The following ATRX variants were observed in gnomAD, a reference collection of about 807,000 sequenced individuals.
ATRX encodes the protein chromatin remodeler ATRX.
Under a neutral mutation model 172.6 loss-of-function variants are expected in ATRX, and 12 were observed. That is an observed-to-expected ratio of 0.07 (90% CI 0.04 to 0.11). The LOEUF is 0.11. Among genes scored for constraint, ATRX ranks in the 10% least tolerant of loss-of-function variants. The pLI is 1.00. For synonymous variants in ATRX, 674 were observed against 594.7 expected, an observed-to-expected ratio of 1.13 and a Z score of -1.94; for missense variants, 1,368 against 1,767.4, an observed-to-expected ratio of 0.77 and a Z score of 4.05.
At chrX:77,591,543 A>C (rs1237291583) in intron 26 of ATRX, among the ~76,000 whole-genome samples, 2 of 111,962 alleles carry the variant, frequency 1.8e-5, no homozygotes, top group East Asian at 5.6e-4. Flanking sequence ...AAACAATTGA[A>C]GCTATGAAAC....
intron 7 of ATRX, 130 bp from the exon 8 acceptor site, chrX:77,685,136 T>C (rs2071480552): frequency 1.2e-5 from 6 of 521,125 alleles, no homozygotes; most frequent in African/African-American, 2.4e-5. Flanking sequence ...TGGGCAAAGA[T>C]TTATTGAGCA....
At chrX:77,633,080 C>T (rs975894035) in intron 19 of ATRX, 127 bp downstream of exon 19, 119 of 718,138 alleles carry the variant, frequency 1.7e-4, no homozygotes, top group Middle Eastern at 9.6e-4. Flanking sequence ...TTCTAAAAGG[C>T]AAAAACCTGA....
At chrX:77,724,701 G>A (rs925637478) in intron 1 of ATRX, among the ~76,000 whole-genome samples, 18 of 111,630 alleles carry the variant, frequency 1.6e-4, no homozygotes, top group African/African-American at 4.9e-4. Context: ...CTTCTAAACT[G>A]GTTACAAAAT....
chrX:77,528,179 G>A (rs781830976), intron 30 of ATRX, among the ~76,000 whole-genome samples: 1 of 110,259 alleles, frequency 9.1e-6, no homozygotes, highest in South Asian at 4.0e-4. Context: ...CAGCTGCCTT[G>A]CCAGATTGTA....
chrX:77,614,364 G>A (rs1375415738), intron 22 of ATRX, among the ~76,000 whole-genome samples: 1 of 111,238 alleles, frequency 9.0e-6, no homozygotes, highest in African/African-American at 3.3e-5. Flanking sequence ...CTACTCTATG[G>A]GTAATATTGC....
At chrX:77,654,732 A>G (rs1480929375) in intron 13 of ATRX, among the ~76,000 whole-genome samples, 2 of 111,799 alleles carry the variant, frequency 1.8e-5, no homozygotes, top group East Asian at 5.6e-4. Context: ...TGCAGCTGCT[A>G]TGGAAACATT....
chrX:77,736,810 G>A (rs1477533342), intron 1 of ATRX, among the ~76,000 whole-genome samples: 1 of 111,879 alleles, frequency 8.9e-6, no homozygotes, highest in Non-Finnish European at 1.9e-5. Flanking sequence ...AGGTTTGGAT[G>A]CAACCTAAGT....
chrX:77,577,773 G>A (rs2065674688), intron 27 of ATRX, among the ~76,000 whole-genome samples: 1 of 111,676 alleles, frequency 9.0e-6, no homozygotes, highest in Non-Finnish European at 1.9e-5. Flanking sequence ...GGGCAGTACT[G>A]GGGAAGGAGG....
At chrX:77,778,421 A>G (rs1377354508) in intron 1 of ATRX, among the ~76,000 whole-genome samples, 3 of 107,805 alleles carry the variant, frequency 2.8e-5, no homozygotes, top group Non-Finnish European at 5.8e-5. Context: ...TCTCTTAAAA[A>G]AAAAAAAAAA....
chrX:77,723,553 C>T (rs2073882002), intron 1 of ATRX, among the ~76,000 whole-genome samples: 1 of 111,011 alleles, frequency 9.0e-6, no homozygotes, highest in African/African-American at 3.3e-5. Context: ...AATAAAGGTA[C>T]CAAGTGGGTA....
intron 2 of ATRX, among the ~76,000 whole-genome samples, chrX:77,712,914 G>T: frequency 9.0e-6 from 1 of 111,478 alleles, no homozygotes; most frequent in Non-Finnish European, 1.9e-5. Flanking sequence ...ACTTTGGGAG[G>T]TCGAGGCAGG....
At chrX:77,743,692 A>G (rs2074964503) in intron 1 of ATRX, among the ~76,000 whole-genome samples, 1 of 111,538 alleles carries the variant, frequency 9.0e-6, no homozygotes, top group African/African-American at 3.3e-5. Context: ...GTATCTCAAC[A>G]AAACTACTAC....
At position 77,584,219 on chromosome X, in the gene ATRX, G is replaced by T. The variant is rs190851346; in HGVS notation, c.6217+5615C>A. ...TCCAGGTTCAGGGATTGGAATAATC[G>T]ATATTATTAAAATGTCCATACTACC... On this transcript the variant is annotated intron_variant, in intron 27 of 34. Coordinates refer to ENST00000373344, the MANE Select transcript of ATRX (RefSeq NM_000489.6). 7.4e-3 allele frequency among the ~76,000 whole-genome samples: 819 copies of T among 110,898 alleles called. 12 individuals are homozygous for T. The highest frequency in any genetic ancestry group is 0.026 in the African/African-American group (783 of 30,571).
intron 25 of ATRX, chrX:77,595,356 C>T (rs2066434025): frequency 9.0e-6 from 1 of 111,539 alleles, no homozygotes; most frequent in Non-Finnish European, 1.9e-5. Context: ...ACCAGGTCTC[C>T]AGGGAATCAC....
chrX:77,657,016 G>C (rs1308217402), intron 12 of ATRX, among the ~76,000 whole-genome samples: 1 of 111,701 alleles, frequency 9.0e-6, no homozygotes, highest in Non-Finnish European at 1.9e-5. Flanking sequence ...GGCTGGCCAA[G>C]ATGGAGTAAG....
At chrX:77,608,211 T>C (rs2066999138) in intron 22 of ATRX, among the ~76,000 whole-genome samples, 1 of 108,094 alleles carries the variant, frequency 9.3e-6, no homozygotes, top group African/African-American at 3.4e-5. Context: ...CTACTAAAAA[T>C]ACGAAAAATT....
At position 77,600,582 on chromosome X, in the gene ATRX, G is replaced by A. The variant is rs782747817; in HGVS notation, c.5567-18C>T. 1.8e-5 allele frequency: 22 copies of A among 1,205,572 alleles called. No homozygotes were observed. The highest frequency in any genetic ancestry group is 1.8e-5 in the African/African-American group (1 of 57,009). ...GCCCACACCTGATCAAAAGAAATAT[G>A]GTTAAAGACACAAAAATTGTCTATA... On this transcript the variant is annotated intron_variant, in intron 22 of 34. Coordinates refer to ENST00000373344, the MANE Select transcript of ATRX (RefSeq NM_000489.6).
At chrX:77,660,866 T>C (rs2069849816) in intron 12 of ATRX, among the ~76,000 whole-genome samples, 1 of 111,517 alleles carries the variant, frequency 9.0e-6, no homozygotes. Flanking sequence ...ACATACACCA[T>C]GACAACTCTA....
At chrX:77,572,503 C>T (rs2065453554) in intron 28 of ATRX, among the ~76,000 whole-genome samples, 1 of 111,139 alleles carries the variant, frequency 9.0e-6, no homozygotes, top group African/African-American at 3.3e-5. Flanking sequence ...AGGGGTAATT[C>T]ACTAGTGAGT....
Sources: gnomAD v4.1 joint callset for allele counts (sites outside exome capture counted in the v4.1 genomes callset) on GRCh38, gnomAD v4.1.1 for gene constraint, MANE v1.5 for transcripts, NCBI Gene and HGNC (gene_info 2026-07-23, HGNC 2026-07-21) for gene names.